Variants in SPMIP7 observed in about 807,000 individuals in gnomAD.
SPMIP7 encodes sperm microtubule inner protein 7, also known as protein SPMIP7.
the SPMIP7 span, among the ~76,000 whole-genome samples, chr7:50,126,407 C>A: frequency 2.6e-5 from 4 of 151,334 alleles, no homozygotes; most frequent in Non-Finnish European, 4.4e-5. Flanking sequence ...AGACTTACCA[C>A]AGTGAAAACT....
the SPMIP7 span, among the ~76,000 whole-genome samples, chr7:50,140,726 C>G: frequency 6.6e-6 from 1 of 152,208 alleles, no homozygotes; most frequent in African/African-American, 2.4e-5. Flanking sequence ...GACCTTTAGT[C>G]CTGGCCCACC....
the SPMIP7 span, among the ~76,000 whole-genome samples, chr7:50,100,688 A>T: frequency 1.3e-5 from 2 of 151,906 alleles, no homozygotes; most frequent in African/African-American, 2.4e-5. Flanking sequence ...GGTGAGCACC[A>T]GTAGTCCCAG....
At chr7:50,097,092 C>G in the SPMIP7 span, among the ~76,000 whole-genome samples, 1 of 152,178 alleles carries the variant, frequency 6.6e-6, no homozygotes, top group Non-Finnish European at 1.5e-5. Context: ...AGAACAGAAG[C>G]TGAAATGAAG....
the SPMIP7 span, among the ~76,000 whole-genome samples, chr7:50,133,228 T>G: frequency 9.1e-6 from 1 of 110,294 alleles, no homozygotes; most frequent in East Asian, 4.2e-4. Context: ...TATTTGTGTG[T>G]GTGTGTTTGT....
At chr7:50,153,647 A>C in the SPMIP7 span, among the ~76,000 whole-genome samples, 122,399 of 152,146 alleles carry the variant, frequency 0.8, 49,303 homozygotes, top group East Asian at 0.92. Context: ...TGTTACTATC[A>C]CCATTTTACA....
chr7:50,104,465 A>G, the SPMIP7 span: 3 of 561,138 alleles, frequency 5.3e-6, no homozygotes, highest in Non-Finnish European at 8.2e-6. Context: ...TCATTGTATT[A>G]TATATATATA....
chr7:50,117,528 G>A, the SPMIP7 span: 1 of 239,620 alleles, frequency 4.2e-6, no homozygotes, highest in South Asian at 5.3e-5. Flanking sequence ...CTGAAATGTT[G>A]CAACTTACTT....
the SPMIP7 span, among the ~76,000 whole-genome samples, chr7:50,101,740 C>T: frequency 6.6e-6 from 1 of 152,170 alleles, no homozygotes; most frequent in Non-Finnish European, 1.5e-5. Flanking sequence ...AAATGCCATC[C>T]TGTTGCTTGT....
the SPMIP7 span, among the ~76,000 whole-genome samples, chr7:50,124,488 A>G: frequency 2.0e-5 from 3 of 152,178 alleles, no homozygotes; most frequent in African/African-American, 7.2e-5. Flanking sequence ...GGGACATAAA[A>G]CAAGTCTTAA....
the SPMIP7 span, among the ~76,000 whole-genome samples, chr7:50,148,787 G>T: frequency 6.6e-6 from 1 of 152,166 alleles, no homozygotes; most frequent in South Asian, 2.1e-4. Context: ...AGCAGCACAG[G>T]AGAATCATCT....
the SPMIP7 span, among the ~76,000 whole-genome samples, chr7:50,114,400 AT>A: frequency 1.2e-4 from 19 of 152,210 alleles, no homozygotes; most frequent in East Asian, 3.9e-4. Context: ...TGCTGTTTAA[AT>A]TTTTTTACAC....
the SPMIP7 span, among the ~76,000 whole-genome samples, chr7:50,100,812 A>AAAATAAATAAATAAAT: frequency 0.33 from 45,842 of 138,944 alleles, 7,949 homozygotes; most frequent in East Asian, 0.6. Context: ...ATGCCGTCCA[A>AAAATAAATAAATAAAT]AAATAAATAA....
At chr7:50,159,193 T>C in the SPMIP7 span, 1 of 1,547,184 alleles carries the variant, frequency 6.5e-7, no homozygotes, top group Non-Finnish European at 8.7e-7. Flanking sequence ...GCGCGGGCTG[T>C]CCAGGCCTCC....
chr7:50,159,084 A>T, the SPMIP7 span: 1 of 1,551,974 alleles, frequency 6.4e-7, no homozygotes. Context: ...CTCTTCCGTC[A>T]CCAGGCTCCC....
the SPMIP7 span, among the ~76,000 whole-genome samples, chr7:50,124,257 A>T: frequency 1.3e-5 from 2 of 152,284 alleles, no homozygotes; most frequent in East Asian, 3.9e-4. Context: ...ATGAACAGAC[A>T]CAAAAAGGAG....
At chr7:50,123,803 GA>G in the SPMIP7 span, among the ~76,000 whole-genome samples, 8 of 133,920 alleles carry the variant, frequency 6.0e-5, no homozygotes, top group South Asian at 4.6e-4. Flanking sequence ...CAAAAAGACA[GA>G]AAAAAAAGGA....
chr7:50,143,246 C>T, the SPMIP7 span, among the ~76,000 whole-genome samples: 260 of 150,374 alleles, frequency 1.7e-3, 2 homozygotes, highest in Non-Finnish European at 2.3e-3. Flanking sequence ...CTCACTGCAA[C>T]CTCTGCCTCC....
At chr7:50,154,788 TTTCCATAATGGC>T in the SPMIP7 span, among the ~76,000 whole-genome samples, 3 of 152,230 alleles carry the variant, frequency 2.0e-5, no homozygotes, top group African/African-American at 7.2e-5. Context: ...TCCATACTGT[TTTCCATAATGGC>T]TTCACCAACC....
chr7:50,134,143 C>A, the SPMIP7 span: 3 of 1,550,138 alleles, frequency 1.9e-6, no homozygotes, highest in East Asian at 7.3e-5. Flanking sequence ...AAGATGCTAC[C>A]ACCAAAACTT....
Sources: allele counts gnomAD v4.1 joint callset (sites outside exome capture counted in the v4.1 genomes callset), GRCh38; gene constraint gnomAD v4.1.1; transcripts MANE v1.5; gene names NCBI Gene and HGNC (gene_info 2026-07-23, HGNC 2026-07-21).